The following MNAT1 variants were observed in gnomAD, a reference collection of about 807,000 sequenced individuals.
MNAT1 encodes CDK-activating kinase assembly factor MAT1.
In MNAT1, 43 loss-of-function variants were observed where a neutral mutation model predicts 42.0. The ratio of observed to expected loss-of-function variants is 1.02; its 90% CI spans 0.80 to 1.32. The LOEUF (loss-of-function observed/expected upper bound fraction) is 1.32. Ranked by LOEUF, MNAT1 falls within the 40% of genes most tolerant of loss-of-function variation. MNAT1 has a pLI of 0.00. For missense variants in MNAT1, 306 were observed against 350.4 expected (o/e 0.87, Z 1.01); for synonymous variants, 118 against 120.0 (o/e 0.98, Z 0.11).
chr14:60,960,962 C>CT (rs939742629), intron 7 of MNAT1, among the ~76,000 whole-genome samples: 13 of 151,244 alleles, frequency 8.6e-5, no homozygotes, highest in South Asian at 2.1e-4. Context: ...TTTCTTTTTT[C>CT]TTTTTTTTTC....
chr14:60,954,182 A>G (rs911428485), intron 7 of MNAT1, among the ~76,000 whole-genome samples: 6 of 152,128 alleles, frequency 3.9e-5, no homozygotes, highest in East Asian at 3.9e-4. Context: ...TTGCCTATTC[A>G]AGGTCTTTTG....
intron 6 of MNAT1, among the ~76,000 whole-genome samples, chr14:60,821,126 C>G (rs2139367938): frequency 6.6e-6 from 1 of 152,210 alleles, no homozygotes; most frequent in Non-Finnish European, 1.5e-5. Flanking sequence ...TTCTCCTGCC[C>G]CCATCCACAT....
chr14:60,935,806 G>A (rs1389970994), intron 7 of MNAT1, among the ~76,000 whole-genome samples: 1 of 152,072 alleles, frequency 6.6e-6, no homozygotes, highest in Non-Finnish European at 1.5e-5. Context: ...TATTGGATTT[G>A]AAATTCCCTG....
intron 7 of MNAT1, among the ~76,000 whole-genome samples, chr14:60,940,396 T>A (rs200995854): frequency 6.6e-6 from 1 of 152,200 alleles, no homozygotes; most frequent in East Asian, 1.9e-4. Context: ...GCCTAGGCAT[T>A]TGGCTGTCTC....
intron 6 of MNAT1, among the ~76,000 whole-genome samples, chr14:60,857,201 C>T (rs1027298964): frequency 3.9e-5 from 6 of 152,316 alleles, no homozygotes; most frequent in African/African-American, 1.4e-4. Context: ...AGAGCTCTGA[C>T]AGATGTACGA....
intron 7 of MNAT1, among the ~76,000 whole-genome samples, chr14:60,953,392 A>G (rs940467397): frequency 3.9e-5 from 6 of 152,140 alleles, no homozygotes; most frequent in Non-Finnish European, 8.8e-5. Context: ...GTACAGTAAA[A>G]GGGGAAAGAT....
chr14:60,921,245 G>C (rs1393919223), intron 7 of MNAT1, among the ~76,000 whole-genome samples: 1 of 151,908 alleles, frequency 6.6e-6, no homozygotes, highest in African/African-American at 2.4e-5. Context: ...AATGTATTAA[G>C]ACATGTTAGC....
chr14:60,814,541 C>G (rs191830744), intron 5 of MNAT1, among the ~76,000 whole-genome samples: 1 of 151,836 alleles, frequency 6.6e-6, no homozygotes, highest in Non-Finnish European at 1.5e-5. Flanking sequence ...GTTGATAATG[C>G]TATTATCCTA....
At chr14:60,931,736 C>CAT (rs796073819) in intron 7 of MNAT1, among the ~76,000 whole-genome samples, 85 of 151,406 alleles carry the variant, frequency 5.6e-4, no homozygotes, top group East Asian at 1.4e-3. Context: ...TACTTTAATG[C>CAT]ATATATATAT....
chr14:60,799,595 C>G (rs1411382227), intron 3 of MNAT1, among the ~76,000 whole-genome samples: 1 of 151,584 alleles, frequency 6.6e-6, no homozygotes, highest in African/African-American at 2.4e-5. Context: ...GTCAGGATAA[C>G]TAAAAGAAAC....
At chr14:60,792,803 T>G (rs936904845) in intron 1 of MNAT1, among the ~76,000 whole-genome samples, 2 of 152,200 alleles carry the variant, frequency 1.3e-5, no homozygotes, top group Non-Finnish European at 2.9e-5. Context: ...TTCTGATTTT[T>G]AAAAACAAAA....
At chr14:60,934,256 A>AT (rs1280650858) in intron 7 of MNAT1, among the ~76,000 whole-genome samples, 1 of 152,162 alleles carries the variant, frequency 6.6e-6, no homozygotes. Context: ...TCTTACAGGG[A>AT]TTTTAGGACA....
At chr14:60,780,182 G>A in intron 1 of MNAT1, 1 of 1,513,698 alleles carries the variant, frequency 6.6e-7, no homozygotes, top group Non-Finnish European at 9.2e-7. Context: ...AAATAATGTG[G>A]TGGAACAACT....
chr14:60,805,011 A>T (rs950322768), intron 3 of MNAT1, among the ~76,000 whole-genome samples: 1 of 152,186 alleles, frequency 6.6e-6, no homozygotes, highest in East Asian at 1.9e-4. Context: ...TTTTCAGTAG[A>T]TTCATACCAT....
intron 7 of MNAT1, among the ~76,000 whole-genome samples, chr14:60,915,317 A>G (rs1292289561): frequency 4.6e-5 from 7 of 152,024 alleles, no homozygotes; most frequent in Non-Finnish European, 7.4e-5. Context: ...CACTTGCCCT[A>G]TTATCTCTTA....
intron 7 of MNAT1, among the ~76,000 whole-genome samples, chr14:60,931,551 C>G (rs556645185): frequency 1.3e-5 from 2 of 152,318 alleles, no homozygotes; most frequent in African/African-American, 4.8e-5. Context: ...TCTGTGATAA[C>G]AAAGCCCATT....
rs149070424 is a variant in MNAT1, at chr14:60,759,382, G to A, written c.89+24431G>A. Among the ~76,000 whole-genome samples the A allele has an allele frequency of 1.1e-3, 169 of 152,254 alleles. No individual in the cohort carries two copies. In the East Asian group the frequency reaches 0.023, roughly 21 times the overall value. ...GAAATTAATTTTGTTTGGCCCTGGA[G>A]TGTTGGCTTGCACAGCATTTAAATT... On this transcript the variant is annotated intron_variant, in intron 1 of 7. Transcript: ENST00000261245.
chr14:60,918,899 C>T, intron 7 of MNAT1, among the ~76,000 whole-genome samples: 1 of 151,662 alleles, frequency 6.6e-6, no homozygotes, highest in East Asian at 1.9e-4. Context: ...GAATTGTGCA[C>T]AATATATTGG....
At chr14:60,949,557 T>G (rs898130621) in intron 7 of MNAT1, among the ~76,000 whole-genome samples, 1 of 152,180 alleles carries the variant, frequency 6.6e-6, no homozygotes, top group Non-Finnish European at 1.5e-5. Flanking sequence ...ATGTGCACAG[T>G]TACAAGGCAT....
Sources: gnomAD v4.1 joint callset for allele counts (sites outside exome capture counted in the v4.1 genomes callset) on GRCh38, gnomAD v4.1.1 for gene constraint, MANE v1.5 for transcripts, NCBI Gene and HGNC (gene_info 2026-07-23, HGNC 2026-07-21) for gene names.